Variants in TMEM182 observed in about 807,000 individuals in gnomAD.
The protein encoded by TMEM182 is transmembrane protein 182.
A neutral mutation model predicts 26.8 loss-of-function variants in TMEM182; 20 were observed. That is an observed-to-expected ratio of 0.75 (90% confidence interval 0.53 to 1.09). The LOEUF (loss-of-function observed/expected upper bound fraction) is 1.09. Ranked by LOEUF, TMEM182 falls within the 50% of genes least tolerant of loss-of-function variation. The pLI, the probability that TMEM182 is intolerant of heterozygous loss-of-function variation, is 0.00. For synonymous variants in TMEM182, 109 were observed against 102.2 expected (o/e 1.07, Z -0.40); for missense variants, 277 against 275.5 (o/e 1.01, Z -0.04).
At chr2:102,810,505 T>C (rs928396952) in intron 4 of TMEM182, among the ~76,000 whole-genome samples, 1 of 152,194 alleles carries the variant, frequency 6.6e-6, no homozygotes, top group African/African-American at 2.4e-5. Context: ...AAACATGCTT[T>C]CCAAATTGAA....
At chr2:102,742,371 T>C (rs1679568496) in intron 1 of TMEM182, among the ~76,000 whole-genome samples, 1 of 152,030 alleles carries the variant, frequency 6.6e-6, no homozygotes, top group Admixed American at 6.5e-5. Flanking sequence ...TTCAAAAGAA[T>C]TGAATATTAA....
intron 3 of TMEM182, among the ~76,000 whole-genome samples, chr2:102,833,257 T>C (rs1683183235): frequency 6.6e-6 from 1 of 152,108 alleles, no homozygotes; most frequent in South Asian, 2.1e-4. Context: ...AAATCAGTCA[T>C]AGATAGACTT....
chr2:102,818,726 T>G (rs1324449157), downstream of TMEM182, among the ~76,000 whole-genome samples: 1 of 147,018 alleles, frequency 6.8e-6, no homozygotes, highest in African/African-American at 2.5e-5. Context: ...ATATGATATA[T>G]CTAATAATTC....
chr2:102,773,374 G>A (rs2732847), intron 3 of TMEM182, among the ~76,000 whole-genome samples: 78,845 of 151,490 alleles, frequency 0.52, 20,836 homozygotes, highest in South Asian at 0.62. Context: ...ATAAATAAGA[G>A]CTCTGTAATG....
intron 3 of TMEM182, among the ~76,000 whole-genome samples, chr2:102,795,460 CA>C (rs1168853088): frequency 1.2e-4 from 18 of 152,252 alleles, no homozygotes; most frequent in African/African-American, 4.3e-4. Flanking sequence ...ATTTTTTCGG[CA>C]GGCAATCAAC....
Position 102,762,664 on chromosome 2 carries a change from C to T in TMEM182, c.210C>T (p.Ser70=), listed in dbSNP as rs531010291. 6 of 1,613,590 alleles carry T rather than the reference C, an allele frequency of 3.7e-6. No homozygotes were observed. In the African/African-American group the frequency reaches 5.3e-5, roughly 14 times the overall value. ...ATGGGATTGTGGAAGAGAATGACTC[C>T]AATATTTGGAAGTTCTGGTACAGTA... The part of the protein sequence containing the change: ...WFNGIVEEND[S]NIWKFWYTNQ... The change falls in exon 2 of 5, where the codon TCC becomes TCT. Residue 70 remains serine (S), a synonymous_variant. Transcript: ENST00000412401.
intron 3 of TMEM182, among the ~76,000 whole-genome samples, chr2:102,773,355 G>C (rs13419148): frequency 0.011 from 1,645 of 152,058 alleles, 34 homozygotes; most frequent in African/African-American, 0.037. Flanking sequence ...GGGGACTAAG[G>C]GGGTGGATAT....
At chr2:102,747,825 G>C (rs572379760) in intron 1 of TMEM182, among the ~76,000 whole-genome samples, 24 of 152,300 alleles carry the variant, frequency 1.6e-4, no homozygotes, top group African/African-American at 5.8e-4. Context: ...ACTATTCTTT[G>C]TTCGAATAAT....
chr2:102,786,504 C>T (rs1040486470), intron 3 of TMEM182, among the ~76,000 whole-genome samples: 1 of 152,128 alleles, frequency 6.6e-6, no homozygotes, highest in South Asian at 2.1e-4. Context: ...TGAGCCACCG[C>T]GTCCAGCCTG....
chr2:102,801,447 A>G (rs528012698), intron 4 of TMEM182, among the ~76,000 whole-genome samples: 5 of 152,320 alleles, frequency 3.3e-5, no homozygotes, highest in African/African-American at 1.2e-4. Context: ...CAGAACAAAG[A>G]CAGTTAATCA....
At chr2:102,757,196 C>T (rs1197497533), upstream of TMEM182, among the ~76,000 whole-genome samples, 1 of 152,182 alleles carries the variant, frequency 6.6e-6, no homozygotes, top group African/African-American at 2.4e-5. Context: ...CCCCCAGGCT[C>T]ATCTACTCTT....
intron 4 of TMEM182, among the ~76,000 whole-genome samples, chr2:102,809,233 G>C (rs1207247200): frequency 6.6e-6 from 1 of 152,198 alleles, no homozygotes; most frequent in African/African-American, 2.4e-5. Flanking sequence ...TTTTGTAGGG[G>C]TATGGTCAGT....
At chr2:102,764,097 A>G (rs1300091132) in intron 2 of TMEM182, among the ~76,000 whole-genome samples, 5 of 152,158 alleles carry the variant, frequency 3.3e-5, no homozygotes, top group African/African-American at 1.2e-4. Flanking sequence ...ATTCCATTGA[A>G]TTATGTCATG....
chr2:102,756,751 G>A (rs1199687404), intron 1 of TMEM182, among the ~76,000 whole-genome samples: 2 of 152,114 alleles, frequency 1.3e-5, no homozygotes, highest in African/African-American at 4.8e-5. Context: ...TTGAGCCATT[G>A]GCTCAAGATC....
intron 3 of TMEM182, among the ~76,000 whole-genome samples, chr2:102,828,052 C>T (rs1400773100): frequency 6.6e-6 from 1 of 152,134 alleles, no homozygotes; most frequent in African/African-American, 2.4e-5. Context: ...GATCGTGCCA[C>T]TGCACTCCAG....
intron 3 of TMEM182, among the ~76,000 whole-genome samples, chr2:102,832,049 C>G (rs1028961105): frequency 5.9e-5 from 9 of 152,178 alleles, no homozygotes; most frequent in Admixed American, 2.0e-4. Flanking sequence ...TTGCCATGCT[C>G]TCATATCCCC....
Position 102,816,928 on chromosome 2 carries a change from C to T in TMEM182, c.*1960C>T. ...TATAAATTTCAGATGGTTATCCTCACTTTATAGTACACTTAAGTGGCTACC... is the reference window on the plus strand; with the variant it reads ...TATAAATTTCAGATGGTTATCCTCATTTTATAGTACACTTAAGTGGCTACC... On this transcript the variant is annotated 3_prime_UTR_variant, in exon 5 of 5. Transcript: ENST00000412401. The T allele has an allele frequency of 1.0e-6, 1 of 985,632 alleles. No individual in the cohort carries two copies. The highest frequency in any genetic ancestry group is 1.2e-6 in the Non-Finnish European group (1 of 829,776). 61.1% of individuals were successfully genotyped at this position (985,632 alleles called of 1,614,324 possible).
At chr2:102,753,292 A>T (rs983833862) in intron 1 of TMEM182, among the ~76,000 whole-genome samples, 1 of 151,966 alleles carries the variant, frequency 6.6e-6, no homozygotes, top group Non-Finnish European at 1.5e-5. Flanking sequence ...CCTTTTGCAG[A>T]GGGAAGGGTA....
intron 3 of TMEM182, among the ~76,000 whole-genome samples, chr2:102,836,735 C>T (rs1411944233): frequency 6.6e-6 from 1 of 152,188 alleles, no homozygotes; most frequent in Non-Finnish European, 1.5e-5. Flanking sequence ...AGGACTCACT[C>T]AGAGTGCCAC....
Sources: gnomAD v4.1 joint callset for allele counts (sites outside exome capture counted in the v4.1 genomes callset) on GRCh38, gnomAD v4.1.1 for gene constraint, MANE v1.5 for transcripts, NCBI Gene and HGNC (gene_info 2026-07-23, HGNC 2026-07-21) for gene names.